Variants in OR1J2 observed in about 807,000 individuals in gnomAD.
The protein encoded by OR1J2 is olfactory receptor 1J2.
For missense variants in OR1J2, 304 were observed against 246.1 expected, an observed-to-expected ratio of 1.24 and a Z score of -1.57; for synonymous variants, 142 against 99.7, an observed-to-expected ratio of 1.42 and a Z score of -2.52.
the OR1J2 span, among the ~76,000 whole-genome samples, chr9:122,528,775 T>C: frequency 6.6e-6 from 1 of 152,164 alleles, no homozygotes; most frequent in African/African-American, 2.4e-5. Flanking sequence ...CTCCCTTTGA[T>C]TCAGATAAAT....
chr9:122,507,943 A>T (rs985894297), upstream of OR1J2, among the ~76,000 whole-genome samples: 2 of 152,072 alleles, frequency 1.3e-5, no homozygotes, highest in Non-Finnish European at 2.9e-5. Context: ...CTGTTTAAAG[A>T]TCTTCATCTT....
At chr9:122,564,893 G>A in the OR1J2 span, among the ~76,000 whole-genome samples, 10 of 152,218 alleles carry the variant, frequency 6.6e-5, no homozygotes, top group East Asian at 1.2e-3. Flanking sequence ...CAGAATTCTC[G>A]ACCACTTGTC....
the OR1J2 span, among the ~76,000 whole-genome samples, chr9:122,566,198 G>A: frequency 1.3e-5 from 2 of 152,182 alleles, no homozygotes; most frequent in African/African-American, 2.4e-5. Context: ...TGCCAAAATC[G>A]TGTTTTTAGA....
At chr9:122,504,354 A>G in the OR1J2 span, among the ~76,000 whole-genome samples, 2 of 152,234 alleles carry the variant, frequency 1.3e-5, no homozygotes, top group Admixed American at 6.5e-5. Context: ...AGTTCTGCCC[A>G]TTCAGATGAT....
chr9:122,571,673 AC>A, the OR1J2 span, among the ~76,000 whole-genome samples: 1 of 149,966 alleles, frequency 6.7e-6, no homozygotes, highest in Admixed American at 6.7e-5. Context: ...CCAAGATTGC[AC>A]CACTGCACTC....
upstream of OR1J2, chr9:122,510,701 A>G (rs192072764): frequency 9.5e-6 from 7 of 736,270 alleles, no homozygotes; most frequent in East Asian, 2.5e-5. Flanking sequence ...CCCTGTGTCT[A>G]TGTTAAAACG....
chr9:122,552,686 G>C, the OR1J2 span, among the ~76,000 whole-genome samples: 2 of 151,862 alleles, frequency 1.3e-5, no homozygotes, highest in East Asian at 3.9e-4. Context: ...AGCACTGAAA[G>C]GCAAGTGGGG....
At chr9:122,457,072 G>A in the OR1J2 span, among the ~76,000 whole-genome samples, 53 of 152,166 alleles carry the variant, frequency 3.5e-4, no homozygotes, top group Non-Finnish European at 5.3e-4. Context: ...TCCTTTGCAG[G>A]GACATGGGTG....
At chr9:122,467,456 C>T in the OR1J2 span, among the ~76,000 whole-genome samples, 229 of 152,252 alleles carry the variant, frequency 1.5e-3, 1 homozygote, top group Non-Finnish European at 2.3e-3. Flanking sequence ...TCAACAGACT[C>T]CCCCAATTCT....
chr9:122,530,287 A>T, the OR1J2 span, among the ~76,000 whole-genome samples: 2 of 152,162 alleles, frequency 1.3e-5, no homozygotes, highest in Non-Finnish European at 2.9e-5. Context: ...ATCCCACCTA[A>T]CCAAGATCTC....
the OR1J2 span, among the ~76,000 whole-genome samples, chr9:122,495,555 C>A: frequency 1.3e-5 from 2 of 151,876 alleles, no homozygotes; most frequent in East Asian, 3.9e-4. Context: ...AAAATGTATG[C>A]CATCTATTTC....
At chr9:122,533,942 C>T in the OR1J2 span, among the ~76,000 whole-genome samples, 3 of 152,126 alleles carry the variant, frequency 2.0e-5, no homozygotes, top group Non-Finnish European at 4.4e-5. Flanking sequence ...AATCAGAGAG[C>T]CTTGGGCCAG....
At chr9:122,547,022 C>T in the OR1J2 span, among the ~76,000 whole-genome samples, 1 of 151,896 alleles carries the variant, frequency 6.6e-6, no homozygotes, top group Admixed American at 6.6e-5. Context: ...AGTCATCCTA[C>T]AGTGGTATAG....
upstream of OR1J2, among the ~76,000 whole-genome samples, chr9:122,507,308 T>C (rs1159848435): frequency 1.3e-5 from 2 of 152,132 alleles, no homozygotes; most frequent in African/African-American, 2.4e-5. Context: ...GGAAAATACT[T>C]AGGAGGCTGG....
chr9:122,457,209 G>C, the OR1J2 span, among the ~76,000 whole-genome samples: 2 of 151,970 alleles, frequency 1.3e-5, no homozygotes, highest in Non-Finnish European at 2.9e-5. Flanking sequence ...CACACACTGG[G>C]GCCTCTCAGG....
the OR1J2 span, among the ~76,000 whole-genome samples, chr9:122,558,399 AT>A: frequency 8.7e-6 from 1 of 114,716 alleles, no homozygotes; most frequent in African/African-American, 3.4e-5. Context: ...GTTTGAGGGT[AT>A]TTACTTCTCT....
the OR1J2 span, among the ~76,000 whole-genome samples, chr9:122,492,478 T>A: frequency 6.6e-6 from 1 of 152,138 alleles, no homozygotes; most frequent in Non-Finnish European, 1.5e-5. Flanking sequence ...ATTTGTCTTT[T>A]TGGTAGAACA....
the OR1J2 span, among the ~76,000 whole-genome samples, chr9:122,467,978 A>G: frequency 6.6e-6 from 1 of 152,238 alleles, no homozygotes; most frequent in Non-Finnish European, 1.5e-5. Flanking sequence ...GGGAAGGCCA[A>G]CAGTTCACCT....
chr9:122,538,849 G>C, the OR1J2 span, among the ~76,000 whole-genome samples: 1 of 152,224 alleles, frequency 6.6e-6, no homozygotes, highest in East Asian at 1.9e-4. Context: ...CATGAGCATA[G>C]AGATGGAAAT....
Sources: allele counts gnomAD v4.1 joint callset (sites outside exome capture counted in the v4.1 genomes callset), GRCh38; gene constraint gnomAD v4.1.1; transcripts MANE v1.5; gene names NCBI Gene and HGNC (gene_info 2026-07-23, HGNC 2026-07-21).